GPHN: variants seen among roughly 807,000 people sequenced by gnomAD.
GPHN encodes the protein gephyrin.
A neutral mutation model predicts 95.5 loss-of-function variants in GPHN; 17 were observed. The ratio of observed to expected loss-of-function variants is 0.18; its 90% CI spans 0.12 to 0.27. The LOEUF (loss-of-function observed/expected upper bound fraction) is 0.27. Ranked by LOEUF, GPHN falls within the 10% of genes least tolerant of loss-of-function variation. The pLI is 1.00. For missense variants in GPHN, 660 were observed against 978.1 expected (o/e 0.67, Z 4.34); for synonymous variants, 320 against 322.5 (o/e 0.99, Z 0.08).
At chr14:67,598,678 A>T in the GPHN span, among the ~76,000 whole-genome samples, 2 of 151,704 alleles carry the variant, frequency 1.3e-5, no homozygotes, top group Non-Finnish European at 2.9e-5. Flanking sequence ...CTATCAAGTC[A>T]ACTTAATCAT....
the GPHN span, among the ~76,000 whole-genome samples, chr14:67,423,127 G>A: frequency 1.9e-4 from 29 of 151,842 alleles, no homozygotes; most frequent in African/African-American, 5.8e-4. Context: ...GCCACCGAGC[G>A]GTGGCCGGTT....
the GPHN span, among the ~76,000 whole-genome samples, chr14:67,513,822 C>T: frequency 6.6e-6 from 1 of 152,174 alleles, no homozygotes; most frequent in Non-Finnish European, 1.5e-5. Flanking sequence ...TATCCTGCCA[C>T]AGGATAGGAG....
At chr14:66,740,312 A>G (rs1375538598) in intron 2 of GPHN, among the ~76,000 whole-genome samples, 2 of 152,150 alleles carry the variant, frequency 1.3e-5, no homozygotes, top group African/African-American at 4.8e-5. Flanking sequence ...ATGTTACTAT[A>G]AATACTTAAC....
At chr14:67,595,491 G>A in the GPHN span, among the ~76,000 whole-genome samples, 1 of 152,294 alleles carries the variant, frequency 6.6e-6, no homozygotes, top group East Asian at 1.9e-4. Context: ...CTAATAAACA[G>A]CCACCCACCA....
the GPHN span, among the ~76,000 whole-genome samples, chr14:67,353,397 T>G: frequency 6.6e-6 from 1 of 152,128 alleles, no homozygotes; most frequent in Non-Finnish European, 1.5e-5. Flanking sequence ...ACACCTGTAA[T>G]CCCAGCTACA....
the GPHN span, among the ~76,000 whole-genome samples, chr14:67,329,647 G>A: frequency 6.6e-6 from 1 of 151,914 alleles, no homozygotes; most frequent in Non-Finnish European, 1.5e-5. Flanking sequence ...TTTGAGATAC[G>A]GCGGACGCAT....
the GPHN span, chr14:67,586,896 C>T: frequency 5.9e-3 from 9,100 of 1,529,974 alleles, 271 homozygotes; most frequent in African/African-American, 0.082. Context: ...GGAGCCCACA[C>T]CACTGGGCCT....
chr14:66,653,631 C>A (rs1566766708), intron 1 of GPHN, among the ~76,000 whole-genome samples: 1 of 152,164 alleles, frequency 6.6e-6, no homozygotes, highest in Non-Finnish European at 1.5e-5. Flanking sequence ...CTAATTTGTT[C>A]TCCATTTCTA....
chr14:66,888,331 T>C (rs1482000191), intron 5 of GPHN, among the ~76,000 whole-genome samples: 1 of 152,042 alleles, frequency 6.6e-6, no homozygotes, highest in Non-Finnish European at 1.5e-5. Context: ...AAACTCCCTA[T>C]CTATAGAGGA....
intron 18 of GPHN, among the ~76,000 whole-genome samples, chr14:67,148,784 T>A (rs1021509123): frequency 6.6e-6 from 1 of 151,502 alleles, no homozygotes; most frequent in African/African-American, 2.4e-5. Context: ...GCCAGGATGG[T>A]CTCGATCTCC....
chr14:67,067,912 G>A lies in GPHN; in HGVS notation c.1144+9126G>A, dbSNP rs762496390. Among the ~76,000 whole-genome samples, 45 of 152,322 alleles carry A rather than the reference G, an allele frequency of 3.0e-4. No individual in the cohort carries two copies. The Middle Eastern group carries it at 0.014, about 46-fold the overall frequency. On this transcript the variant is annotated intron_variant, in intron 11 of 22. Coordinates refer to ENST00000478722, the MANE Select transcript of GPHN (RefSeq NM_020806.5). ...ATCCCCCAACCCCTTGCACTTCCTG[G>A]GTGAGGTGACGCCCCGCCCTGCTTC...
At chr14:66,902,405 A>G (rs1258415974) in intron 5 of GPHN, among the ~76,000 whole-genome samples, 1 of 151,518 alleles carries the variant, frequency 6.6e-6, no homozygotes, top group Non-Finnish European at 1.5e-5. Context: ...TTCCATTTTG[A>G]AAAAAAGTAG....
chr14:66,682,197 A>AT (rs143337047), intron 2 of GPHN, among the ~76,000 whole-genome samples: 4 of 152,030 alleles, frequency 2.6e-5, no homozygotes, highest in Non-Finnish European at 5.9e-5. Flanking sequence ...ACCTCTCTCC[A>AT]TTTTTTTCTT....
rs575251282 is a variant in GPHN, at chr14:66,889,589, C to T, written c.389+9556C>T. On this transcript the variant is annotated intron_variant, in intron 5 of 22. Coordinates refer to ENST00000478722, the MANE Select transcript of GPHN (RefSeq NM_020806.5). Reference sequence around the variant, plus strand: ...TGAATTAAAACAAAAATGCAACATACCAAAACTTCATAGCATGCAGAAAAA... The same window carrying T: ...TGAATTAAAACAAAAATGCAACATATCAAAACTTCATAGCATGCAGAAAAA... Among the ~76,000 whole-genome samples the T allele has an allele frequency of 3.9e-5, 6 of 152,062 alleles. 1 individual carries two copies. In the South Asian group the frequency reaches 1.2e-3, roughly 32 times the overall value.
the GPHN span, chr14:67,569,331 T>C: frequency 4.5e-6 from 3 of 671,410 alleles, no homozygotes; most frequent in Non-Finnish European, 7.8e-6. Flanking sequence ...GCCTACCCTG[T>C]TCCCCTCCCC....
At chr14:66,844,550 A>G (rs761412511) in intron 4 of GPHN, among the ~76,000 whole-genome samples, 1 of 152,154 alleles carries the variant, frequency 6.6e-6, no homozygotes, top group Non-Finnish European at 1.5e-5. Context: ...CTGAGTATCC[A>G]TATTAAATTT....
the GPHN span, chr14:67,225,285 T>C: frequency 1.4e-6 from 2 of 1,454,038 alleles, no homozygotes; most frequent in Non-Finnish European, 1.8e-6. Flanking sequence ...TAATTATAAG[T>C]CTCTATAGGA....
intron 8 of GPHN, among the ~76,000 whole-genome samples, chr14:66,963,190 A>G (rs2069073954): frequency 6.6e-6 from 1 of 152,002 alleles, no homozygotes; most frequent in Non-Finnish European, 1.5e-5. Flanking sequence ...CCAGACTCAT[A>G]TACCTCATCA....
the GPHN span, among the ~76,000 whole-genome samples, chr14:67,212,721 A>G: frequency 6.6e-6 from 1 of 150,628 alleles, no homozygotes; most frequent in African/African-American, 2.4e-5. Context: ...CTGAGGATTA[A>G]CTACTCAAAG....
Sources: allele counts gnomAD v4.1 joint callset (sites outside exome capture counted in the v4.1 genomes callset), GRCh38; gene constraint gnomAD v4.1.1; transcripts MANE v1.5; gene names NCBI Gene and HGNC (gene_info 2026-07-23, HGNC 2026-07-21).